Variants in MAP2K5 observed in about 807,000 individuals in gnomAD.
MAP2K5 encodes dual specificity mitogen-activated protein kinase kinase 5.
A neutral mutation model predicts 83.1 loss-of-function variants in MAP2K5; 49 were observed. The ratio of observed to expected loss-of-function variants is 0.59; its 90% CI spans 0.47 to 0.75. The LOEUF (loss-of-function observed/expected upper bound fraction) is 0.75. MAP2K5 is among the 30% of genes least tolerant of loss of function. MAP2K5 has a pLI of 0.00. For synonymous variants in MAP2K5, 202 were observed against 191.8 expected, an observed-to-expected ratio of 1.05 and a Z score of -0.44; for missense variants, 457 against 557.5, an observed-to-expected ratio of 0.82 and a Z score of 1.82.
intron 13 of MAP2K5, among the ~76,000 whole-genome samples, chr15:67,675,133 A>C (rs1004497490): frequency 6.6e-6 from 1 of 152,240 alleles, no homozygotes; most frequent in African/African-American, 2.4e-5. Flanking sequence ...CTGTTCACAC[A>C]AAAACCTGTA....
chr15:67,630,979 C>T, intron 9 of MAP2K5, 52 bp downstream of exon 9: 1 of 1,373,888 alleles, frequency 7.3e-7, no homozygotes, highest in Non-Finnish European at 1.0e-6. Context: ...TCTTTCCTTT[C>T]CTCTGTTAGC....
intron 8 of MAP2K5, among the ~76,000 whole-genome samples, chr15:67,601,816 T>C (rs2085665284): frequency 6.6e-6 from 1 of 152,216 alleles, no homozygotes; most frequent in Non-Finnish European, 1.5e-5. Context: ...GCTTAGAAGC[T>C]CTTTTGAAGT....
rs1426884668 is a variant in MAP2K5 at position 67,577,096 on chromosome 15, C to T, written c.253-3658C>T. On this transcript the variant is annotated intron_variant, in intron 3 of 21. Coordinates refer to ENST00000178640, the MANE Select transcript of MAP2K5 (RefSeq NM_145160.3). This position sits in a 1 kb window ranked among gnomAD's most constrained non-coding sequence, Gnocchi z 4.1. ...GACTACAGGCGCCCGCCACCGTGCC[C>T]GGCTAATTTTTTGTATTTTTAGTAG... is the stretch of plus-strand genomic sequence containing the variant. 4.7e-5 allele frequency among the ~76,000 whole-genome samples: 7 copies of T among 149,932 alleles called. No individual in the cohort carries two copies. The highest frequency in any genetic ancestry group is 3.9e-4 in the East Asian group (2 of 5,086).
intron 21 of MAP2K5, among the ~76,000 whole-genome samples, chr15:67,796,916 C>T (rs1243789915): frequency 6.6e-6 from 1 of 152,164 alleles, no homozygotes; most frequent in African/African-American, 2.4e-5. Flanking sequence ...GAAATGCTTG[C>T]CTCTTCTTTT....
intron 7 of MAP2K5, among the ~76,000 whole-genome samples, chr15:67,595,423 G>A (rs1255729934): frequency 6.6e-6 from 1 of 152,090 alleles, no homozygotes; most frequent in Non-Finnish European, 1.5e-5. Flanking sequence ...TTATTGCTTC[G>A]ATTTGTGAAG....
chr15:67,592,989 A>G lies in MAP2K5; in HGVS notation c.480+15A>G, dbSNP rs2085448280. 2 of 1,537,720 alleles carry G rather than the reference A, an allele frequency of 1.3e-6. No homozygotes were observed. Among genetic ancestry groups the G allele is most frequent in the African/African-American group, 1.4e-5 (1 of 72,886 alleles). The stretch of plus-strand genomic sequence containing the variant: ...CCAATGGCCAGGTAGGTATTATTAT[A>G]TATTAAGATTTTCACATAATAATAA... On this transcript the variant is annotated intron_variant, in intron 7 of 21. Transcript: ENST00000178640.
chr15:67,736,879 T>C lies in MAP2K5; in HGVS notation c.1074+8934T>C, dbSNP rs969954856. Among the ~76,000 whole-genome samples the C allele has an allele frequency of 2.6e-5, 4 of 152,218 alleles. No individual in the cohort carries two copies. Among genetic ancestry groups the C allele is most frequent in the African/African-American group, 9.7e-5 (4 of 41,444 alleles). ...TTTATTGATGCAGTCTGCTACTTTA[T>C]GGAATCATAGGATTTCAGCATGTGA... On this transcript the variant is annotated intron_variant, in intron 17 of 21. Coordinates refer to ENST00000178640, the MANE Select transcript of MAP2K5 (RefSeq NM_145160.3). The surrounding 1 kb of genome is among the most constrained non-coding windows in gnomAD (Gnocchi z 4.3).
chr15:67,602,675 AT>A (rs2085687413), intron 8 of MAP2K5, among the ~76,000 whole-genome samples: 2 of 152,250 alleles, frequency 1.3e-5, no homozygotes, highest in South Asian at 4.1e-4. Context: ...TGGTTTGTTT[AT>A]TTTGAGATGG....
chr15:67,549,068 G>A, intron 1 of MAP2K5: 1 of 1,526,064 alleles, frequency 6.6e-7, no homozygotes, highest in African/African-American at 1.4e-5. Context: ...AATACTGCGA[G>A]CGGCTTTGTC....
At chr15:67,692,992 A>G (rs2088154902) in intron 14 of MAP2K5, among the ~76,000 whole-genome samples, 3 of 152,236 alleles carry the variant, frequency 2.0e-5, no homozygotes. Context: ...TGAGAAACCC[A>G]GTGATAGTGA....
intron 9 of MAP2K5, among the ~76,000 whole-genome samples, chr15:67,645,867 T>G (rs983680650): frequency 6.6e-6 from 1 of 152,188 alleles, no homozygotes; most frequent in African/African-American, 2.4e-5. Flanking sequence ...AACATAATTC[T>G]TTTATATTGG....
chr15:67,748,634 A>C lies in MAP2K5; in HGVS notation c.1134+33A>C, dbSNP rs2089656457. ...ATCGTCTTATGTGCTTTCACTCCTA[A>C]AGTCATTCCTAATGGTGTGGAAAGC... is the stretch of plus-strand genomic sequence containing the variant. On this transcript the variant is annotated intron_variant, in intron 19 of 21. Coordinates refer to ENST00000178640, the MANE Select transcript of MAP2K5 (RefSeq NM_145160.3). The surrounding 1 kb of genome is among the most constrained non-coding windows in gnomAD (Gnocchi z 4.0). 3 of 1,603,164 alleles carry C rather than the reference A, an allele frequency of 1.9e-6. No homozygotes were observed. In the African/African-American group the frequency reaches 4.0e-5, roughly 21 times the overall value.
chr15:67,623,598 C>CT (rs369601076), intron 8 of MAP2K5, among the ~76,000 whole-genome samples: 135,204 of 142,302 alleles, frequency 0.95, 64,348 homozygotes, highest in East Asian at 1. Context: ...TACTATCTTC[C>CT]TTTTTTTTTT....
chr15:67,589,257 T>G lies in MAP2K5; in HGVS notation c.431+2344T>G, dbSNP rs115154372. ...GAAATTGCCAGGATACAATTTTTTC[T>G]TTTTTTTTTCTTTTTAACCAGACAA... On this transcript the variant is annotated intron_variant, in intron 6 of 21. Transcript: ENST00000178640. 3.5e-3 allele frequency among the ~76,000 whole-genome samples: 519 copies of G among 149,482 alleles called. 7 individuals are homozygous for G. The highest frequency in any genetic ancestry group is 0.012 in the African/African-American group (490 of 40,780).
chr15:67,697,668 C>T (rs960788453), intron 15 of MAP2K5, among the ~76,000 whole-genome samples: 3 of 152,198 alleles, frequency 2.0e-5, no homozygotes, highest in African/African-American at 7.2e-5. Flanking sequence ...ATAAGCACAG[C>T]ATTTAACTTT....
intron 8 of MAP2K5, chr15:67,628,999 T>C: frequency 1.3e-6 from 1 of 757,336 alleles, no homozygotes; most frequent in Non-Finnish European, 2.4e-6. Context: ...TTCAGACCCG[T>C]GAAGGGAGGA....
At chr15:67,575,087 G>C (rs1011995305) in intron 3 of MAP2K5, among the ~76,000 whole-genome samples, 1 of 152,134 alleles carries the variant, frequency 6.6e-6, no homozygotes, top group Non-Finnish European at 1.5e-5. Flanking sequence ...TGTTGAATTG[G>C]AGGAGGCTCT....
Position 67,646,372 on chromosome 15 carries a change from C to T in MAP2K5, c.655-16C>T. ...CTTGCAGGTTTATAACTACTTTTGT[C>T]TTATTTTTGTTACAGTGCGATTCAT... On this transcript the variant is annotated splice_polypyrimidine_tract_variant and intron_variant, in intron 10 of 21. Transcript: ENST00000178640. 1.3e-6 allele frequency: 2 copies of T among 1,535,182 alleles called. No homozygotes were observed. The highest frequency in any genetic ancestry group is 2.3e-5 in the East Asian group (1 of 44,152).
chr15:67,561,412 C>A lies in MAP2K5; in HGVS notation c.185-1871C>A, dbSNP rs1222903823. Reference sequence around the variant, plus strand: ...CAATTTGGCTCTAGAGATTCTATATCTAAAGCGAATGAAAGAATCTTTATG... The same window carrying A: ...CAATTTGGCTCTAGAGATTCTATATATAAAGCGAATGAAAGAATCTTTATG... On this transcript the variant is annotated intron_variant, in intron 2 of 21. Transcript: ENST00000178640. This position sits in a 1 kb window ranked among gnomAD's most constrained non-coding sequence, Gnocchi z 4.2. Among the ~76,000 whole-genome samples, 1 of 152,170 alleles carries A rather than the reference C, an allele frequency of 6.6e-6. No homozygotes were observed. Among genetic ancestry groups the A allele is most frequent in the Non-Finnish European group, 1.5e-5 (1 of 68,036 alleles).
Sources: allele counts gnomAD v4.1 joint callset (sites outside exome capture counted in the v4.1 genomes callset), GRCh38; gene constraint gnomAD v4.1.1; non-coding constraint Gnocchi (gnomAD v3.1); transcripts MANE v1.5; gene names NCBI Gene and HGNC (gene_info 2026-07-23, HGNC 2026-07-21).